Variants in CDKL1 observed in about 807,000 individuals in gnomAD.
CDKL1 encodes the protein cyclin dependent kinase like 1, also known as cyclin-dependent kinase-like 1.
In CDKL1, 41 loss-of-function variants were observed where a neutral mutation model predicts 42.0. The observed-to-expected ratio is 0.98, with a 90% CI of 0.76 to 1.27. The LOEUF is 1.27. Among genes scored for constraint, CDKL1 ranks in the 50% most tolerant of loss-of-function variants. The pLI, the probability that CDKL1 is intolerant of heterozygous loss-of-function variation, is 0.00. For missense variants in CDKL1, 394 were observed against 428.4 expected, an observed-to-expected ratio of 0.92 and a Z score of 0.71; for synonymous variants, 153 against 158.6, an observed-to-expected ratio of 0.96 and a Z score of 0.26.
intron 2 of CDKL1, among the ~76,000 whole-genome samples, chr14:50,360,610 G>A (rs944456184): frequency 4.6e-5 from 7 of 151,302 alleles, no homozygotes; most frequent in African/African-American, 9.7e-5. Context: ...GTTTCGCCAT[G>A]TTGGTCAGGC....
At position 50,330,163 on chromosome 14, in the gene CDKL1, G is replaced by A; in HGVS notation, c.985C>T (p.Leu329=). 6.2e-7 allele frequency: 1 copy of A among 1,606,898 alleles called. No individual in the cohort carries two copies. Among genetic ancestry groups the A allele is most frequent in the South Asian group, 1.1e-5 (1 of 88,756 alleles). The change falls in exon 10 of 10, where the codon CTA becomes TTA. Residue 329 remains leucine (L), a synonymous_variant. Coordinates refer to ENST00000395834, the MANE Select transcript of CDKL1 (RefSeq NM_004196.7). ...ETSKLQYLPQ[L]TGSSILPALD... is the part of the protein sequence containing the mutation. ...GCTGGAAGGATGCTGCTGCCAGTTA[G>A]CTGGGGTAGGTACTGCAACTAAAAA...
intron 7 of CDKL1, among the ~76,000 whole-genome samples, chr14:50,336,498 C>G (rs1328376459): frequency 6.6e-6 from 1 of 152,156 alleles, no homozygotes. Context: ...GCAAGACCCA[C>G]TTTGAATGCT....
intron 2 of CDKL1, among the ~76,000 whole-genome samples, chr14:50,375,247 G>GAT (rs1276719711): frequency 6.6e-6 from 1 of 152,106 alleles, no homozygotes; most frequent in Non-Finnish European, 1.5e-5. Flanking sequence ...ATATCAAAGG[G>GAT]ATATAATATC....
At chr14:50,349,085 T>C (rs1188681481) in intron 3 of CDKL1, among the ~76,000 whole-genome samples, 2 of 152,152 alleles carry the variant, frequency 1.3e-5, no homozygotes, top group Non-Finnish European at 2.9e-5. Flanking sequence ...GACACACTCA[T>C]GAGTTTCATA....
intron 9 of CDKL1, 187 bp from the exon 10 acceptor site, chr14:50,330,368 A>G (rs2032870220): frequency 1.6e-6 from 1 of 615,428 alleles, no homozygotes; most frequent in African/African-American, 2.0e-5. Flanking sequence ...AAATGTTTAT[A>G]TTAAAAAGGA....
intron 8 of CDKL1, chr14:50,332,793 GTTTT>G: frequency 1.3e-6 from 1 of 748,074 alleles, no homozygotes; most frequent in Non-Finnish European, 2.1e-6. Flanking sequence ...AAAAACTAGT[GTTTT>G]TATTTTAAAA....
chr14:50,370,724 G>A (rs2034566954), intron 2 of CDKL1, among the ~76,000 whole-genome samples: 1 of 152,180 alleles, frequency 6.6e-6, no homozygotes, highest in African/African-American at 2.4e-5. Flanking sequence ...AGGTGAAGGA[G>A]GGGCAGGCAT....
intron 2 of CDKL1, among the ~76,000 whole-genome samples, chr14:50,360,114 T>C (rs2034192718): frequency 6.6e-6 from 1 of 152,224 alleles, no homozygotes; most frequent in Admixed American, 6.5e-5. Flanking sequence ...TATTCTTTGA[T>C]AGTGCCACCA....
chr14:50,335,628 A>G, intron 7 of CDKL1: 3 of 1,529,772 alleles, frequency 2.0e-6, no homozygotes, highest in Non-Finnish European at 2.6e-6. Flanking sequence ...TACCACTGAC[A>G]AAGGCTAATT....
intron 3 of CDKL1, among the ~76,000 whole-genome samples, chr14:50,355,480 C>A (rs549918353): frequency 6.6e-6 from 1 of 152,158 alleles, no homozygotes; most frequent in Non-Finnish European, 1.5e-5. Flanking sequence ...ATCAAAGTAA[C>A]CTTTAAATTG....
chr14:50,358,134 T>C, intron 3 of CDKL1: 2 of 1,344,892 alleles, frequency 1.5e-6, no homozygotes, highest in Non-Finnish European at 2.0e-6. Context: ...CACACAAAGA[T>C]GTTGCATATG....
At chr14:50,390,941 C>T (rs1418353833) in intron 2 of CDKL1, among the ~76,000 whole-genome samples, 1 of 152,096 alleles carries the variant, frequency 6.6e-6, no homozygotes, top group Non-Finnish European at 1.5e-5. Flanking sequence ...CTCAGGTGAT[C>T]CTCCCACCTC....
At chr14:50,376,824 G>A (rs1191744912) in intron 2 of CDKL1, among the ~76,000 whole-genome samples, 3 of 152,070 alleles carry the variant, frequency 2.0e-5, no homozygotes, top group Non-Finnish European at 4.4e-5. Flanking sequence ...CTCTGCTCTC[G>A]TGAGCTTATA....
At chr14:50,376,136 T>G (rs981269683) in intron 2 of CDKL1, among the ~76,000 whole-genome samples, 7 of 152,170 alleles carry the variant, frequency 4.6e-5, no homozygotes, top group Non-Finnish European at 1.0e-4. Context: ...AAATAAAGTA[T>G]AGATGGACTT....
chr14:50,393,482 CTTTAT>C (rs2035316376), intron 2 of CDKL1, among the ~76,000 whole-genome samples: 1 of 152,200 alleles, frequency 6.6e-6, no homozygotes, highest in African/African-American at 2.4e-5. Flanking sequence ...TATTAAGTAT[CTTTAT>C]TTTATAAGTG....
chr14:50,372,855 T>C (rs1193675943), intron 2 of CDKL1, among the ~76,000 whole-genome samples: 1 of 152,176 alleles, frequency 6.6e-6, no homozygotes, highest in Non-Finnish European at 1.5e-5. Context: ...TGTGGGTTCA[T>C]TTCTGGGCTC....
At chr14:50,336,302 C>T (rs560965255) in intron 7 of CDKL1, 2 of 1,197,720 alleles carry the variant, frequency 1.7e-6, no homozygotes, top group South Asian at 3.0e-5. Context: ...GCAGGACAAT[C>T]TCTGGGAAGC....
chr14:50,359,258 AGATTG>A, intron 2 of CDKL1, 109 bp from the exon 3 acceptor site: 9 of 1,260,312 alleles, frequency 7.1e-6, no homozygotes, highest in South Asian at 3.0e-5. Flanking sequence ...TTTCATTCTT[AGATTG>A]AAGGAGGCTG....
intron 3 of CDKL1, chr14:50,357,113 A>G (rs1248917931): frequency 6.6e-6 from 1 of 152,240 alleles, no homozygotes; most frequent in African/African-American, 2.4e-5. Context: ...GCAAGCTGTC[A>G]AAAGATCAAA....
Sources: gnomAD v4.1 joint callset for allele counts (sites outside exome capture counted in the v4.1 genomes callset) on GRCh38, gnomAD v4.1.1 for gene constraint, MANE v1.5 for transcripts, NCBI Gene and HGNC (gene_info 2026-07-23, HGNC 2026-07-21) for gene names.